The following NADSYN1 variants were observed in gnomAD, a reference collection of about 807,000 sequenced individuals.
NADSYN1 encodes glutamine-dependent NAD(+) synthetase.
Under a neutral mutation model 99.3 loss-of-function variants are expected in NADSYN1, and 80 were observed. The observed-to-expected ratio is 0.81, with a 90% confidence interval of 0.67 to 0.97. The LOEUF (loss-of-function observed/expected upper bound fraction) is 0.97. Ranked by LOEUF, NADSYN1 falls within the 50% of genes least tolerant of loss-of-function variation. The pLI is 0.00. For missense variants in NADSYN1, 859 were observed against 948.5 expected (o/e 0.91, Z 1.24); for synonymous variants, 385 against 372.1 (o/e 1.03, Z -0.40).
At chr11:71,453,570 G>A (rs1338993551) in intron 1 of NADSYN1, among the ~76,000 whole-genome samples, 189 bp downstream of exon 1, 1 of 152,224 alleles carries the variant, frequency 6.6e-6, no homozygotes, top group East Asian at 1.9e-4. Context: ...GGAAGTGAGT[G>A]TTTATAGTTC....
At chr11:71,485,810 G>A (rs921869490) in intron 16 of NADSYN1, among the ~76,000 whole-genome samples, 162 bp downstream of exon 16, 5 of 152,038 alleles carry the variant, frequency 3.3e-5, no homozygotes, top group Admixed American at 6.6e-5. Flanking sequence ...GTGGCAGAGC[G>A]GATCAGCATC....
chr11:71,501,594 C>A lies in NADSYN1; in HGVS notation c.*242C>A. On this transcript the variant is annotated 3_prime_UTR_variant, in exon 21 of 21. Transcript: ENST00000319023. ...CCTCCCGCCAGCGTGCGCTTCCCCG[C>A]GAAGTCTGGCATTCTCCGAAGGAAG... is the stretch of plus-strand genomic sequence containing the variant. 1.9e-6 allele frequency: 1 copy of A among 522,890 alleles called. No homozygotes were observed. Among genetic ancestry groups the A allele is most frequent in the Non-Finnish European group, 3.4e-6 (1 of 295,870 alleles). The allele number at this position is 522,890 out of a possible 1,614,324, so 32.4% of individuals were successfully genotyped here.
At chr11:71,461,321 G>A (rs1949548965) in intron 3 of NADSYN1, among the ~76,000 whole-genome samples, 2 of 152,110 alleles carry the variant, frequency 1.3e-5, no homozygotes, top group African/African-American at 2.4e-5. Flanking sequence ...TCACACTCTG[G>A]GCACACTTTG....
intron 5 of NADSYN1, 32 bp from the exon 6 acceptor site, chr11:71,472,417 C>T (rs1949632739): frequency 1.3e-6 from 2 of 1,548,476 alleles, no homozygotes; most frequent in African/African-American, 2.7e-5. Flanking sequence ...CTGAGATGCT[C>T]ATCCTCAGCT....
intron 16 of NADSYN1, among the ~76,000 whole-genome samples, chr11:71,490,535 C>T (rs1949771484): frequency 6.6e-6 from 1 of 152,132 alleles, no homozygotes; most frequent in Non-Finnish European, 1.5e-5. Flanking sequence ...GTGTCCAGTC[C>T]CTGCTCACTC....
chr11:71,489,058 A>T (rs1354216147), intron 16 of NADSYN1, among the ~76,000 whole-genome samples: 6 of 151,394 alleles, frequency 4.0e-5, no homozygotes, highest in African/African-American at 1.5e-4. Flanking sequence ...TTCCAGAGAG[A>T]GCAGGAGGGG....
Position 71,474,500 on chromosome 11 carries a change from G to A in NADSYN1, c.772G>A (p.Gly258Arg). Reference sequence around the variant, plus strand: ...CATGAACGGAAGCGTCTTTGCTCAAGGATCCCAGTTTTCTCTGGATGACGT... The same window carrying A: ...CATGAACGGAAGCGTCTTTGCTCAAAGATCCCAGTTTTCTCTGGATGACGT... ...IAMNGSVFAQ[G>R]SQFSLDDVEV... The change falls in exon 9 of 21, where the codon GGA becomes AGA. Residue 258 changes from glycine (G) to arginine (R), a missense_variant. Gly to Arg is a moderately radical substitution (Grantham distance 125). Transcript: ENST00000319023. 1 of 1,614,220 alleles carries A rather than the reference G, an allele frequency of 6.2e-7. No individual in the cohort carries two copies. Among genetic ancestry groups the A allele is most frequent in the South Asian group, 1.1e-5 (1 of 91,084 alleles).
intron 14 of NADSYN1, among the ~76,000 whole-genome samples, chr11:71,483,888 CAGTG>C (rs2120482808): frequency 1.3e-5 from 2 of 152,352 alleles, no homozygotes; most frequent in South Asian, 4.1e-4. Flanking sequence ...TCACATGACA[CAGTG>C]AGGAGAAACC....
rs1344385044 is a variant in NADSYN1 at position 71,485,619 on chromosome 11, C to T, written c.1533C>T (p.Leu511=). 8.3e-6 allele frequency: 13 copies of T among 1,558,282 alleles called. No homozygotes were observed. Among genetic ancestry groups the T allele is most frequent in the Middle Eastern group, 1.7e-4 (1 of 5,998 alleles). ...CTCGGGGTGTCCACGGTGGGCTCCT[C>T]GTGCTGGGATCCGCCAACGTGGATG... The part of the protein sequence containing the change: ...LWSRGVHGGL[L]VLGSANVDES... Residue 511 remains leucine (L), a synonymous_variant, in exon 16 of 21, where the codon CTC becomes CTT. Transcript: ENST00000319023.
At position 71,498,511 on chromosome 11, in the gene NADSYN1, C is replaced by T. The variant is rs758608004; in HGVS notation, c.2053C>T (p.Arg685Trp). Residue 685 changes from arginine (R) to tryptophan (W), a missense_variant, in exon 20 of 21, where the codon CGG becomes TGG. Coordinates refer to ENST00000319023, the MANE Select transcript of NADSYN1 (RefSeq NM_018161.5). ...CAACACAAGCTGGCCTTGGCAGTTT[C>T]GGTGCATAGAAAATCAGGTAAATCC... Reference protein sequence around the residue: ...LYNTSWPWQFRCIENQVLQLE... With the variant: ...LYNTSWPWQFWCIENQVLQLE... The T allele has an allele frequency of 1.3e-5, 21 of 1,613,868 alleles. No homozygotes were observed. The highest frequency in any genetic ancestry group is 4.5e-5 in the East Asian group (2 of 44,880).
intron 7 of NADSYN1, 79 bp from the exon 8 acceptor site, chr11:71,473,490 G>T: frequency 2.0e-6 from 3 of 1,533,002 alleles, no homozygotes; most frequent in East Asian, 4.5e-5. Context: ...AGCTGCCGTG[G>T]GAGAGTGCAA....
At chr11:71,499,640 C>T (rs571137029) in intron 20 of NADSYN1, 2 of 152,328 alleles carry the variant, frequency 1.3e-5, no homozygotes, top group South Asian at 4.1e-4. Flanking sequence ...ATAGGCCCTT[C>T]CCTTTTCCAA....
chr11:71,455,914 C>T (rs1477379143), intron 2 of NADSYN1, among the ~76,000 whole-genome samples: 1 of 152,192 alleles, frequency 6.6e-6, no homozygotes, highest in Non-Finnish European at 1.5e-5. Flanking sequence ...TGCTTATTTC[C>T]CTTCTTGTCC....
intron 2 of NADSYN1, among the ~76,000 whole-genome samples, chr11:71,456,098 C>G (rs1374288619): frequency 6.6e-6 from 1 of 152,166 alleles, no homozygotes. Context: ...CCTCTTCAGT[C>G]TTTGTCCCCT....
chr11:71,473,185 T>C (rs1260894488), intron 6 of NADSYN1, 93 bp from the exon 7 acceptor site: 1 of 1,220,284 alleles, frequency 8.2e-7, no homozygotes, highest in Non-Finnish European at 1.2e-6. Flanking sequence ...ACTCCAGCTC[T>C]TGTGGCTGCA....
At chr11:71,491,637 C>T (rs1276189413) in intron 17 of NADSYN1, among the ~76,000 whole-genome samples, 197 bp from the exon 18 acceptor site, 1 of 152,192 alleles carries the variant, frequency 6.6e-6, no homozygotes, top group Non-Finnish European at 1.5e-5. Flanking sequence ...GAGGCCACAC[C>T]AGTGCCCACA....
At position 71,491,926 on chromosome 11, in the gene NADSYN1, G is replaced by A. The variant is rs1038324465; in HGVS notation, c.1764+23G>A. ...GAGGTAATGGCGGTGGCTTTGCCAT[G>A]ATGCTTCCTGCCCTCCTCCCCACCT... On this transcript the variant is annotated intron_variant, in intron 18 of 20. Coordinates refer to ENST00000319023, the MANE Select transcript of NADSYN1 (RefSeq NM_018161.5). 6.8e-6 allele frequency: 11 copies of A among 1,607,700 alleles called. No homozygotes were observed. In the African/African-American group the frequency reaches 1.2e-4, roughly 18 times the overall value.
chr11:71,500,730 C>T (rs1949851595), intron 20 of NADSYN1, among the ~76,000 whole-genome samples: 1 of 152,184 alleles, frequency 6.6e-6, no homozygotes, highest in African/African-American at 2.4e-5. Context: ...GTCTGGAAAG[C>T]TGGGACTCAG....
At chr11:71,478,570 G>A in intron 10 of NADSYN1, 101 bp downstream of exon 10, 1 of 1,086,816 alleles carries the variant, frequency 9.2e-7, no homozygotes, top group Non-Finnish European at 1.4e-6. Flanking sequence ...TGCAGTGCCT[G>A]AAAAGTCTGA....
Sources: allele counts gnomAD v4.1 joint callset (sites outside exome capture counted in the v4.1 genomes callset), GRCh38; gene constraint gnomAD v4.1.1; transcripts MANE v1.5; gene names NCBI Gene and HGNC (gene_info 2026-07-23, HGNC 2026-07-21).